YTHDC1: variants seen among roughly 807,000 people sequenced by gnomAD.
YTHDC1 encodes the protein YTH N6-methyladenosine RNA binding protein C1.
YTHDC1 carries 12 observed loss-of-function variants against 107.0 expected under a neutral mutation model. The ratio of observed to expected loss-of-function variants is 0.11; its 90% confidence interval spans 0.07 to 0.18. The LOEUF is 0.18. Among genes scored for constraint, YTHDC1 ranks in the 10% least tolerant of loss-of-function variants. YTHDC1 has a pLI of 1.00. For synonymous variants in YTHDC1, 280 were observed against 289.5 expected (o/e 0.97, Z 0.33); for missense variants, 635 against 898.8 (o/e 0.71, Z 3.75).
chr4:68,317,495 T>A (rs1273139070), intron 15 of YTHDC1, among the ~76,000 whole-genome samples: 1 of 152,154 alleles, frequency 6.6e-6, no homozygotes, highest in Non-Finnish European at 1.5e-5. Flanking sequence ...AAGAAAACAG[T>A]AGAAGCTACT....
chr4:68,340,248 T>G (rs1416904876), intron 1 of YTHDC1, among the ~76,000 whole-genome samples: 2 of 152,054 alleles, frequency 1.3e-5, no homozygotes, highest in African/African-American at 4.8e-5. Context: ...ACATAGGAAA[T>G]GGAAAAGATA....
rs932997797 is a variant in YTHDC1 at position 68,342,313 on chromosome 4, A to T, written c.29-3929T>A. ...AAGATTCAAAGCTGGAGCTTCTCCA[A>T]CATTTCTGTGTGTGTGATTACTCAT... On this transcript the variant is annotated intron_variant, in intron 1 of 16. Coordinates refer to ENST00000344157, the MANE Select transcript of YTHDC1 (RefSeq NM_001031732.4). Among the ~76,000 whole-genome samples, 6 of 152,284 alleles carry T rather than the reference A, an allele frequency of 3.9e-5. 1 individual carries two copies. The highest frequency in any genetic ancestry group is 3.9e-4 in the Admixed American group (6 of 15,302).
chr4:68,341,527 T>C (rs370066555), intron 1 of YTHDC1, among the ~76,000 whole-genome samples: 21 of 152,184 alleles, frequency 1.4e-4, no homozygotes, highest in Middle Eastern at 3.4e-3. Context: ...ACATGGCCCA[T>C]TGCCTATTTA....
At position 68,335,594 on chromosome 4, in the gene YTHDC1, C is replaced by G. The variant is rs186239740; in HGVS notation, c.883+1433G>C. Among the ~76,000 whole-genome samples the G allele has an allele frequency of 7.6e-4, 115 of 152,082 alleles. 1 individual carries two copies. Among genetic ancestry groups the G allele is most frequent in the Non-Finnish European group, 1.6e-4 (11 of 67,938 alleles). Reference sequence around the variant, plus strand: ...TTCCCTTTGTTTAATGTAAACAATACAAACATTAAAGTCTAAGAAATAACA... The same window carrying G: ...TTCCCTTTGTTTAATGTAAACAATAGAAACATTAAAGTCTAAGAAATAACA... On this transcript the variant is annotated intron_variant, in intron 4 of 16. Coordinates refer to ENST00000344157, the MANE Select transcript of YTHDC1 (RefSeq NM_001031732.4).
chr4:68,318,405 G>T, intron 15 of YTHDC1, 114 bp downstream of exon 15: 4 of 1,080,322 alleles, frequency 3.7e-6, no homozygotes, highest in Non-Finnish European at 5.3e-6. Context: ...ACGGCGCCTG[G>T]CCAGTTTAAG....
chr4:68,349,864 G>T lies in YTHDC1; in HGVS notation c.-111C>A. On this transcript the variant is annotated 5_prime_UTR_variant, in exon 1 of 17. Coordinates refer to ENST00000344157, the MANE Select transcript of YTHDC1 (RefSeq NM_001031732.4). ...GGCCCGTCCGTCAGTCCGTCTGCCC[G>T]GATACGCGCGTCGCACTTGGCCTCT... 6.7e-7 allele frequency: 1 copy of T among 1,486,496 alleles called. No homozygotes were observed. The highest frequency in any genetic ancestry group is 1.4e-5 in the African/African-American group (1 of 72,414). The allele number at this position is 1,486,496 out of a possible 1,614,324, so 92.1% of individuals were successfully genotyped here. A position where few individuals can be genotyped will look rare whatever the true frequency, so the allele number is the denominator to read the frequency against.
intron 9 of YTHDC1, among the ~76,000 whole-genome samples, chr4:68,326,328 T>A (rs977896138): frequency 6.6e-6 from 1 of 152,156 alleles, no homozygotes; most frequent in East Asian, 1.9e-4. Flanking sequence ...CACAGAAAAC[T>A]GTGAAGCCTG....
chr4:68,339,882 T>C (rs1724625490), intron 1 of YTHDC1, among the ~76,000 whole-genome samples: 1 of 152,206 alleles, frequency 6.6e-6, no homozygotes, highest in South Asian at 2.1e-4. Context: ...AAACTCAGTT[T>C]TGTCCCCACT....
chr4:68,332,057 A>T (rs912120564), intron 7 of YTHDC1, 46 bp downstream of exon 7: 5 of 1,282,366 alleles, frequency 3.9e-6, no homozygotes, highest in East Asian at 2.4e-5. Context: ...TTTCCCATTT[A>T]AAAATTTTGA....
At chr4:68,339,498 T>C (rs562843280) in intron 1 of YTHDC1, among the ~76,000 whole-genome samples, 180 of 152,346 alleles carry the variant, frequency 1.2e-3, no homozygotes, top group African/African-American at 4.2e-3. Flanking sequence ...GACTGTACTA[T>C]GGTTAAGTCA....
intron 4 of YTHDC1, among the ~76,000 whole-genome samples, chr4:68,334,841 T>C (rs6812178): frequency 0.51 from 77,814 of 151,872 alleles, 20,154 homozygotes; most frequent in South Asian, 0.62. Context: ...CTGGGCAACA[T>C]AGCAAGACCC....
intron 4 of YTHDC1, among the ~76,000 whole-genome samples, chr4:68,333,846 C>T (rs1007480685): frequency 6.6e-6 from 1 of 152,062 alleles, no homozygotes; most frequent in African/African-American, 2.4e-5. Context: ...TCTGATGAAC[C>T]CCTGAACCCA....
At chr4:68,325,600 T>A (rs1269808952) in intron 9 of YTHDC1, among the ~76,000 whole-genome samples, 1 of 152,146 alleles carries the variant, frequency 6.6e-6, no homozygotes, top group Non-Finnish European at 1.5e-5. Context: ...CTTGGCTGAT[T>A]GTGAATAAAT....
intron 1 of YTHDC1, chr4:68,344,008 T>A (rs183673792): frequency 1.7e-4 from 26 of 152,192 alleles, no homozygotes; most frequent in Admixed American, 1.7e-3. Context: ...AAAACCCACT[T>A]AAAAAAATAC....
Position 68,323,987 on chromosome 4 carries a change from A to G in YTHDC1, c.1434+152T>C, listed in dbSNP as rs147157496. The G allele has an allele frequency of 0.01, 6,623 of 633,750 alleles. 467 individuals carry two copies. In the Admixed American group the frequency reaches 0.15, roughly 14 times the overall value. 39.3% of individuals were successfully genotyped at this position (633,750 alleles called of 1,614,324 possible). A position where few individuals can be genotyped will look rare whatever the true frequency, so the allele number is the denominator to read the frequency against. ...ATTAATGGATGTCTTATTAGTCTCA[A>G]TCACAGTTATTATAAACTTCAGATA... On this transcript the variant is annotated intron_variant, in intron 10 of 16. Transcript: ENST00000344157.
chr4:68,331,927 C>T (rs890989251), intron 7 of YTHDC1, among the ~76,000 whole-genome samples, 176 bp downstream of exon 7: 14 of 150,274 alleles, frequency 9.3e-5, no homozygotes, highest in Middle Eastern at 3.2e-3. Context: ...AAAAAGAAAA[C>T]TCAAATTACA....
At chr4:68,338,097 T>C in intron 2 of YTHDC1, 186 bp downstream of exon 2, 4 of 933,156 alleles carry the variant, frequency 4.3e-6, no homozygotes, top group Non-Finnish European at 5.1e-6. Flanking sequence ...ACCATATATT[T>C]GAGAAGTTTC....
chr4:68,313,875 TA>T lies in YTHDC1; in HGVS notation c.*223del. On this transcript the variant is annotated 3_prime_UTR_variant, in exon 17 of 17. Transcript: ENST00000344157. ...CTTGGACTGTTCCATTCTGCCCCAA[TA>T]AAAGTGTCAATTCAACTGTCAGCTG... 1 of 588,702 alleles carries T rather than the reference TA, an allele frequency of 1.7e-6. No individual in the cohort carries two copies. Among genetic ancestry groups the T allele is most frequent in the Non-Finnish European group, 3.0e-6 (1 of 333,312 alleles). The allele number at this position is 588,702 out of a possible 1,614,324, so 36.5% of individuals were successfully genotyped here.
chr4:68,330,281 C>T lies in YTHDC1; in HGVS notation c.1152G>A (p.Glu384=). 1 of 1,604,734 alleles carries T rather than the reference C, an allele frequency of 6.2e-7. No homozygotes were observed. The highest frequency in any genetic ancestry group is 8.5e-7 in the Non-Finnish European group (1 of 1,175,530). The change falls in exon 8 of 17, where the codon GAG becomes GAA. Residue 384 remains glutamate (E), a synonymous_variant. Transcript: ENST00000344157. The part of the protein sequence containing the change: ...KGVWSTLPVN[E]KKLNLAFRSA... Reference sequence around the variant, plus strand: ...ATCTAAATGCAAGATTTAATTTCTTCTCATTTACAGGGAGCGTGGACCATA... The same window carrying T: ...ATCTAAATGCAAGATTTAATTTCTTTTCATTTACAGGGAGCGTGGACCATA...
Sources: gnomAD v4.1 joint callset for allele counts (sites outside exome capture counted in the v4.1 genomes callset) on GRCh38, gnomAD v4.1.1 for gene constraint, MANE v1.5 for transcripts, NCBI Gene and HGNC (gene_info 2026-07-23, HGNC 2026-07-21) for gene names.